The following C2orf49 variants were observed in gnomAD, a reference collection of about 807,000 sequenced individuals.
The protein encoded by C2orf49 is tRNA splicing ligase complex subunit 2.
In C2orf49, 11 loss-of-function variants were observed where a neutral mutation model predicts 20.6. The observed-to-expected ratio is 0.53, with a 90% CI of 0.34 to 0.88. C2orf49 has a LOEUF of 0.88. Ranked by LOEUF, C2orf49 falls within the 40% of genes least tolerant of loss-of-function variation. The probability of loss-of-function intolerance (pLI) is 0.02; values close to 1 mark genes in which losing one functional copy is unlikely to be tolerated. For missense variants in C2orf49, 289 were observed against 274.2 expected (o/e 1.05, Z -0.38); for synonymous variants, 134 against 108.5 (o/e 1.24, Z -1.46).
chr2:105,363,216 C>G, the C2orf49 span: 1 of 1,504,284 alleles, frequency 6.6e-7, no homozygotes, highest in Admixed American at 1.8e-5. Flanking sequence ...GACAGGGTCA[C>G]AGGCTAAAAT....
chr2:105,362,288 C>G, the C2orf49 span, among the ~76,000 whole-genome samples: 7 of 152,134 alleles, frequency 4.6e-5, no homozygotes, highest in Admixed American at 2.0e-4. Flanking sequence ...AGTGTAAATA[C>G]TGTGCTTTTC....
At chr2:105,358,762 G>A in the C2orf49 span, 1 of 152,196 alleles carries the variant, frequency 6.6e-6, no homozygotes, top group African/African-American at 2.4e-5. Flanking sequence ...TATCTGTAAA[G>A]TCCTGTCAGT....
intron 1 of C2orf49, among the ~76,000 whole-genome samples, chr2:105,338,172 T>C (rs2104442371): frequency 6.6e-6 from 1 of 152,302 alleles, no homozygotes; most frequent in South Asian, 2.1e-4. Context: ...GGGAGGAGAA[T>C]TCAGGGCTCC....
At chr2:105,357,426 A>G in the C2orf49 span, among the ~76,000 whole-genome samples, 1 of 151,974 alleles carries the variant, frequency 6.6e-6, no homozygotes, top group Non-Finnish European at 1.5e-5. Context: ...TTATCTCTTT[A>G]TTGGTTTGTT....
chr2:105,371,847 G>A, the C2orf49 span, among the ~76,000 whole-genome samples: 1 of 152,130 alleles, frequency 6.6e-6, no homozygotes, highest in Non-Finnish European at 1.5e-5. Flanking sequence ...TGAGTGTTGT[G>A]TCTCTGCAGT....
Position 105,343,034 on chromosome 2 carries a change from C to G in C2orf49, c.453C>G (p.Pro151=), listed in dbSNP as rs765220310. The G allele has an allele frequency of 2.5e-6, 4 of 1,614,170 alleles. No homozygotes were observed. The highest frequency in any genetic ancestry group is 3.4e-6 in the Non-Finnish European group (4 of 1,180,044). The part of the protein sequence containing the change: ...KLSNSSSSVS[P]LILSSNLPVN... ...CAAATTCCTCTTCGAGTGTTTCACC[C>G]CTAATTTTGTCTTCCAATTTGCCTG... Residue 151 remains proline (P), a synonymous_variant, in exon 3 of 4, where the codon CCC becomes CCG. Transcript: ENST00000258457.
the C2orf49 span, among the ~76,000 whole-genome samples, chr2:105,355,768 TTTTGTGTGTGTGTGTGTGTGTGTG>T: frequency 1.0e-5 from 1 of 100,478 alleles, no homozygotes; most frequent in Non-Finnish European, 2.3e-5. Flanking sequence ...GGAGAAAAAA[TTTTGTGTGTGTGTGTGTGTGTGTG>T]TGTGTGTGTG....
At chr2:105,355,311 G>C in the C2orf49 span, among the ~76,000 whole-genome samples, 15 of 152,330 alleles carry the variant, frequency 9.8e-5, no homozygotes, top group Admixed American at 9.2e-4. Context: ...TCCCCAGGAA[G>C]GTGAAAGTAA....
the C2orf49 span, among the ~76,000 whole-genome samples, chr2:105,382,540 G>C: frequency 6.6e-6 from 1 of 152,224 alleles, no homozygotes; most frequent in African/African-American, 2.4e-5. Flanking sequence ...CCTACCTATA[G>C]GGTGTTAGGA....
At chr2:105,385,109 C>G in the C2orf49 span, among the ~76,000 whole-genome samples, 2 of 152,186 alleles carry the variant, frequency 1.3e-5, no homozygotes, top group African/African-American at 4.8e-5. Context: ...AGTTTCGTTT[C>G]TTTTACATTC....
intron 3 of C2orf49, among the ~76,000 whole-genome samples, chr2:105,344,935 A>G (rs959026363): frequency 1.3e-5 from 2 of 152,162 alleles, no homozygotes; most frequent in Non-Finnish European, 2.9e-5. Context: ...TAGGCTGGAC[A>G]GGGAGAAAGC....
the C2orf49 span, among the ~76,000 whole-genome samples, chr2:105,381,592 G>T: frequency 6.6e-6 from 1 of 152,114 alleles, no homozygotes; most frequent in African/African-American, 2.4e-5. Flanking sequence ...GGCCAAGTTC[G>T]TGCACTGACA....
At chr2:105,341,866 A>G (rs1250115269) in intron 2 of C2orf49, among the ~76,000 whole-genome samples, 1 of 152,218 alleles carries the variant, frequency 6.6e-6, no homozygotes, top group African/African-American at 2.4e-5. Context: ...AGATTCTTTT[A>G]ACATGTTTAA....
chr2:105,343,530 C>T (rs565904198), intron 3 of C2orf49, among the ~76,000 whole-genome samples: 5 of 152,150 alleles, frequency 3.3e-5, no homozygotes, highest in Non-Finnish European at 5.9e-5. Flanking sequence ...GGAACTAAAA[C>T]AGATAAATAT....
Position 105,343,204 on chromosome 2 carries a change from A to G in C2orf49, c.623A>G (p.Lys208Arg), listed in dbSNP as rs1389664716. 1.3e-6 allele frequency: 2 copies of G among 1,598,682 alleles called. No homozygotes were observed. The highest frequency in any genetic ancestry group is 2.2e-5 in the South Asian group (2 of 89,306). Residue 208 changes from lysine (K) to arginine (R), a missense_variant, in exon 3 of 4, where the codon AAA (lysine) becomes AGA (arginine). Lys to Arg is a conservative substitution (Grantham distance 26). Coordinates refer to ENST00000258457, the MANE Select transcript of C2orf49 (RefSeq NM_024093.3). ...GTGAAGTTAAAGAGAGCTGCTCCTA[A>G]AGAAGAGGCAGAGGCCATGGTAAGT... is the stretch of plus-strand genomic sequence containing the variant. The part of the protein sequence containing the change: ...TPVKLKRAAP[K>R]EEAEAMNNLK...
At position 105,343,376 on chromosome 2, in the gene C2orf49, G is replaced by C. The variant is rs185272716; in HGVS notation, c.642+153G>C. Among the ~76,000 whole-genome samples, 43 of 152,270 alleles carry C rather than the reference G, an allele frequency of 2.8e-4. 1 individual carries two copies. In the East Asian group the frequency reaches 3.9e-3, roughly 14 times the overall value. On this transcript the variant is annotated intron_variant, in intron 3 of 3. Coordinates refer to ENST00000258457, the MANE Select transcript of C2orf49 (RefSeq NM_024093.3). ...TTGTATAATACAACTTATTACTCCA[G>C]TACTTGAATCCTGGAATTTAAAAAT...
chr2:105,370,975 G>A, the C2orf49 span, among the ~76,000 whole-genome samples: 1 of 152,184 alleles, frequency 6.6e-6, no homozygotes, highest in African/African-American at 2.4e-5. Flanking sequence ...TCTTACCACA[G>A]AGCCTGAATT....
At chr2:105,365,467 T>A in the C2orf49 span, among the ~76,000 whole-genome samples, 3 of 152,114 alleles carry the variant, frequency 2.0e-5, no homozygotes, top group African/African-American at 7.2e-5. Context: ...AAGCACACAT[T>A]GGAAAGATGA....
chr2:105,383,874 C>T, the C2orf49 span, among the ~76,000 whole-genome samples: 83 of 152,300 alleles, frequency 5.4e-4, 1 homozygote, highest in East Asian at 0.015. Context: ...TCTTTTTGTT[C>T]CAAAATGTAC....
Sources: allele counts gnomAD v4.1 joint callset (sites outside exome capture counted in the v4.1 genomes callset), GRCh38; gene constraint gnomAD v4.1.1; transcripts MANE v1.5; gene names NCBI Gene and HGNC (gene_info 2026-07-23, HGNC 2026-07-21).